The following NAV3 variants were observed in gnomAD, a reference collection of about 807,000 sequenced individuals.
NAV3 encodes neuron navigator 3, also known as pore membrane and/or filament interacting like protein 1.
A neutral mutation model predicts 244.7 loss-of-function variants in NAV3; 87 were observed. The ratio of observed to expected loss-of-function variants is 0.36; its 90% CI spans 0.30 to 0.42. NAV3 has a LOEUF of 0.42. NAV3 is among the 20% of genes least tolerant of loss of function. The pLI, the probability that NAV3 is intolerant of heterozygous loss-of-function variation, is 1.00. For missense variants in NAV3, 2,663 were observed against 2,893.3 expected, an observed-to-expected ratio of 0.92 and a Z score of 1.83; for synonymous variants, 1,126 against 1,042.2, an observed-to-expected ratio of 1.08 and a Z score of -1.55.
chr12:78,029,370 G>C (rs893733283), intron 9 of NAV3, among the ~76,000 whole-genome samples: 7 of 152,122 alleles, frequency 4.6e-5, no homozygotes, highest in African/African-American at 1.7e-4. Flanking sequence ...TAACACTGCA[G>C]AAAAAGTGCC....
chr12:77,946,258 TGCGC>T (rs60482300), intron 3 of NAV3, among the ~76,000 whole-genome samples: 10 of 146,602 alleles, frequency 6.8e-5, no homozygotes, highest in African/African-American at 2.3e-4. Context: ...TGTGTGTGTG[TGCGC>T]GTGCACCTTA....
At chr12:77,747,992 C>A (rs540323452) in intron 2 of NAV3, among the ~76,000 whole-genome samples, 2 of 152,166 alleles carry the variant, frequency 1.3e-5, no homozygotes, top group South Asian at 2.1e-4. Flanking sequence ...ATGTAACAAA[C>A]CTGCACGTTG....
At chr12:77,973,241 T>C (rs1223472849) in intron 5 of NAV3, among the ~76,000 whole-genome samples, 1 of 152,140 alleles carries the variant, frequency 6.6e-6, no homozygotes, top group East Asian at 1.9e-4. Context: ...ATCACATGAA[T>C]AGTTTATGTA....
At chr12:77,883,359 C>T (rs1485027165) in intron 1 of NAV3, among the ~76,000 whole-genome samples, 2 of 152,110 alleles carry the variant, frequency 1.3e-5, no homozygotes, top group Non-Finnish European at 2.9e-5. Context: ...GCAAATACCG[C>T]ATGTTCTCTC....
chr12:77,930,911 T>C (rs1888718369), intron 1 of NAV3, among the ~76,000 whole-genome samples: 1 of 152,220 alleles, frequency 6.6e-6, no homozygotes, highest in South Asian at 2.1e-4. Flanking sequence ...ACTTGTGATG[T>C]CATTATAATT....
At chr12:77,826,884 A>G (rs1023335324), upstream of NAV3, among the ~76,000 whole-genome samples, 3 of 152,094 alleles carry the variant, frequency 2.0e-5, no homozygotes, top group Admixed American at 6.5e-5. Context: ...TATTTGTTGA[A>G]TTTTTACTTA....
At chr12:77,607,734 TCTC>T (rs1293018936) in intron 2 of NAV3, among the ~76,000 whole-genome samples, 1 of 152,092 alleles carries the variant, frequency 6.6e-6, no homozygotes, top group African/African-American at 2.4e-5. Context: ...TCTGATCCAT[TCTC>T]CTCTTAATCC....
chr12:78,050,114 T>C lies in NAV3; in HGVS notation c.2132+13T>C, dbSNP rs1882512750. 1.3e-6 allele frequency: 2 copies of C among 1,551,948 alleles called. No individual in the cohort carries two copies. The highest frequency in any genetic ancestry group is 2.7e-5 in the African/African-American group (2 of 72,996). ...AGATAAGCCACAGGTTTTTTTCAAT[T>C]TTGCATATATTTGAGCCAATAAAGA... On this transcript the variant is annotated intron_variant, in intron 10 of 39. Transcript: ENST00000397909.
In NAV3 at chr12:78,187,220, T is replaced by C. The variant is rs578081261; in HGVS notation, c.5791-1028T>C. Among the ~76,000 whole-genome samples the C allele has an allele frequency of 2.0e-5, 3 of 152,054 alleles. No individual in the cohort carries two copies. The South Asian group carries it at 6.2e-4, about 32-fold the overall frequency. Reference sequence around the variant, plus strand: ...AATAATTTTGATAACCATTTATCCTTATGGTGCTAAATATTACATATTAAG... The same window carrying C: ...AATAATTTTGATAACCATTTATCCTCATGGTGCTAAATATTACATATTAAG... On this transcript the variant is annotated intron_variant, in intron 31 of 39. Transcript: ENST00000397909.
In NAV3 at chr12:77,930,270, C is replaced by T. The variant is rs755123131; in HGVS notation, c.244-10049C>T. ...CTTACACTATAATTTTCAGTGAAATCTATATTGTTTTCATTGTTCCCATGT... is the reference window on the plus strand; with the variant it reads ...CTTACACTATAATTTTCAGTGAAATTTATATTGTTTTCATTGTTCCCATGT... On this transcript the variant is annotated intron_variant, in intron 1 of 39. Coordinates refer to ENST00000397909, the MANE Select transcript of NAV3 (RefSeq NM_001024383.2). Among the ~76,000 whole-genome samples the T allele has an allele frequency of 2.0e-5, 3 of 152,208 alleles. No individual in the cohort carries two copies. In the South Asian group the frequency reaches 6.2e-4, roughly 32 times the overall value.
chr12:78,201,307 T>A (rs1223838636), intron 38 of NAV3, among the ~76,000 whole-genome samples: 1 of 151,932 alleles, frequency 6.6e-6, no homozygotes, highest in African/African-American at 2.4e-5. Flanking sequence ...TTCCTTTTTT[T>A]CACATAATTT....
At chr12:77,721,919 A>G (rs1876653959) in intron 2 of NAV3, among the ~76,000 whole-genome samples, 2 of 152,094 alleles carry the variant, frequency 1.3e-5, no homozygotes, top group South Asian at 2.1e-4. Flanking sequence ...GCCAACCCTA[A>G]CCAGACCTGG....
At chr12:77,992,428 T>C (rs1172207291) in intron 5 of NAV3, among the ~76,000 whole-genome samples, 1 of 152,182 alleles carries the variant, frequency 6.6e-6, no homozygotes, top group Non-Finnish European at 1.5e-5. Context: ...AAGAGTCAGC[T>C]GTTGAGATTT....
chr12:77,686,674 C>G (rs567761465), intron 2 of NAV3, among the ~76,000 whole-genome samples: 20 of 152,070 alleles, frequency 1.3e-4, no homozygotes, highest in African/African-American at 4.6e-4. Context: ...GATGAGGGAA[C>G]TGAGCACAAA....
intron 1 of NAV3, among the ~76,000 whole-genome samples, chr12:77,915,535 AG>A (rs1489028197): frequency 1.3e-5 from 2 of 151,564 alleles, no homozygotes; most frequent in African/African-American, 4.8e-5. Context: ...AGAAAAAAAA[AG>A]ATCTTCTAGC....
At chr12:78,084,494 A>G (rs1953523750) in intron 12 of NAV3, among the ~76,000 whole-genome samples, 1 of 152,046 alleles carries the variant, frequency 6.6e-6, no homozygotes, top group Non-Finnish European at 1.5e-5. Flanking sequence ...CAGCACACCA[A>G]CATTTTGAAG....
chr12:77,812,080 G>A (rs546150728), intron 2 of NAV3, among the ~76,000 whole-genome samples: 14 of 152,204 alleles, frequency 9.2e-5, no homozygotes, highest in African/African-American at 1.7e-4. Flanking sequence ...TCAGTGAGAT[G>A]TGCTCTATTT....
Position 78,197,396 on chromosome 12 carries a change from C to A in NAV3, c.6441C>A (p.Asn2147Lys). 1 of 1,591,036 alleles carries A rather than the reference C, an allele frequency of 6.3e-7. No homozygotes were observed. Among genetic ancestry groups the A allele is most frequent in the Non-Finnish European group, 8.6e-7 (1 of 1,167,518 alleles). Residue 2147 changes from asparagine (N) to lysine (K), a missense_variant, in exon 35 of 40, where the codon AAC becomes AAA. Coordinates refer to ENST00000397909, the MANE Select transcript of NAV3 (RefSeq NM_001024383.2). Reference sequence around the variant, plus strand: ...ATGGTTTTCTCAATTGTAAATACAACAAATGGTATGCTTATCAAATATTCT... The same window carrying A: ...ATGGTTTTCTCAATTGTAAATACAAAAAATGGTATGCTTATCAAATATTCT... ...IFNGFLNCKY[N>K]KCPYIIGTMN...
chr12:77,810,966 G>C (rs542579367), intron 2 of NAV3, among the ~76,000 whole-genome samples: 1 of 152,226 alleles, frequency 6.6e-6, no homozygotes, highest in Middle Eastern at 3.4e-3. Flanking sequence ...CAGATCCCCT[G>C]ATGTGACTAC....
Sources: allele counts gnomAD v4.1 joint callset (sites outside exome capture counted in the v4.1 genomes callset), GRCh38; gene constraint gnomAD v4.1.1; transcripts MANE v1.5; gene names NCBI Gene and HGNC (gene_info 2026-07-23, HGNC 2026-07-21).